Variants in PRDM2 observed in about 807,000 individuals in gnomAD.
The protein encoded by PRDM2 is PR domain zinc finger protein 2.
In PRDM2, 30 loss-of-function variants were observed where a neutral mutation model predicts 130.0. That is an observed-to-expected ratio of 0.23 (90% CI 0.17 to 0.31). The LOEUF is 0.31. Among genes scored for constraint, PRDM2 ranks in the 10% least tolerant of loss-of-function variants. The pLI, the probability that PRDM2 is intolerant of heterozygous loss-of-function variation, is 1.00. For synonymous variants in PRDM2, 871 were observed against 782.4 expected, an observed-to-expected ratio of 1.11 and a Z score of -1.89; for missense variants, 2,011 against 2,108.4, an observed-to-expected ratio of 0.95 and a Z score of 0.90.
At chr1:13,735,207 G>A (rs1283090101) in intron 4 of PRDM2, among the ~76,000 whole-genome samples, 3 of 152,202 alleles carry the variant, frequency 2.0e-5, no homozygotes, top group Non-Finnish European at 4.4e-5. Flanking sequence ...AGTCCTCTAA[G>A]CTTTCACTGA....
intron 8 of PRDM2, among the ~76,000 whole-genome samples, chr1:13,799,570 C>T (rs182400682): frequency 1.3e-5 from 2 of 152,100 alleles, no homozygotes; most frequent in Admixed American, 1.3e-4. Context: ...CAGTTGAAAC[C>T]CAGCTGACTT....
chr1:13,823,244 G>A lies in PRDM2; in HGVS notation c.*109G>A, dbSNP rs772024333. The A allele has an allele frequency of 1.9e-4, 299 of 1,578,292 alleles. No individual in the cohort carries two copies. Among genetic ancestry groups the A allele is most frequent in the Non-Finnish European group, 2.5e-4 (287 of 1,149,396 alleles). The stretch of plus-strand genomic sequence containing the variant: ...TACCGACCTATCCCAGTTGTGTGAG[G>A]CTGCGAGAGAAAGGGAGTGCATGTG... On this transcript the variant is annotated 3_prime_UTR_variant, in exon 10 of 10. Transcript: ENST00000311066.
chr1:13,800,942 A>G (rs1644997623), intron 8 of PRDM2, among the ~76,000 whole-genome samples: 1 of 152,168 alleles, frequency 6.6e-6, no homozygotes, highest in African/African-American at 2.4e-5. Context: ...AGGAAACTGT[A>G]CTGAGGGGGC....
intron 8 of PRDM2, among the ~76,000 whole-genome samples, chr1:13,797,563 C>T (rs1305834521): frequency 2.0e-5 from 3 of 152,140 alleles, no homozygotes; most frequent in Admixed American, 6.5e-5. Context: ...AGTGTTGTTC[C>T]GAGTTGTGTG....
intron 8 of PRDM2, among the ~76,000 whole-genome samples, chr1:13,790,517 T>G (rs1323946428): frequency 6.6e-6 from 1 of 152,140 alleles, no homozygotes; most frequent in Non-Finnish European, 1.5e-5. Context: ...CCAAGCCCCC[T>G]TGGGCCTTGC....
intron 1 of PRDM2, among the ~76,000 whole-genome samples, chr1:13,701,770 A>T (rs942529258): frequency 3.3e-5 from 5 of 152,178 alleles, no homozygotes; most frequent in Non-Finnish European, 7.3e-5. Flanking sequence ...TTTTTACTCA[A>T]CACATCTGTT....
At chr1:13,800,752 G>A (rs909371112) in intron 8 of PRDM2, among the ~76,000 whole-genome samples, 1 of 152,182 alleles carries the variant, frequency 6.6e-6, no homozygotes, top group African/African-American at 2.4e-5. Flanking sequence ...CTGACTCCCT[G>A]CTTTGAGTGA....
At chr1:13,736,020 C>T (rs1466021986) in intron 4 of PRDM2, among the ~76,000 whole-genome samples, 1 of 152,088 alleles carries the variant, frequency 6.6e-6, no homozygotes, top group East Asian at 1.9e-4. Context: ...TGAGATCAAA[C>T]AGCACATGCA....
In PRDM2 at chr1:13,743,269, G is replaced by A. The variant is rs1481997131; in HGVS notation, c.384+1112G>A. 9.2e-5 allele frequency among the ~76,000 whole-genome samples: 14 copies of A among 151,806 alleles called. No homozygotes were observed. In the South Asian group the frequency reaches 1.5e-3, roughly 16 times the overall value. ...CAAAAAATAAGCCAGGCATGGTGGC[G>A]GGCACCTGTAGTCCCAGCTACTCGG... is the stretch of plus-strand genomic sequence containing the variant. On this transcript the variant is annotated intron_variant, in intron 5 of 9. Coordinates refer to ENST00000311066, the MANE Select transcript of PRDM2 (RefSeq NM_001393986.1).
At chr1:13,732,906 G>T in intron 4 of PRDM2, 24 bp downstream of exon 4, 2 of 1,367,410 alleles carry the variant, frequency 1.5e-6, no homozygotes, top group Non-Finnish European at 2.0e-6. Context: ...CTGATTCTTT[G>T]TTTTTCAGAG....
chr1:13,800,800 G>T (rs375281903), intron 8 of PRDM2, among the ~76,000 whole-genome samples: 9 of 152,196 alleles, frequency 5.9e-5, no homozygotes, highest in South Asian at 2.1e-4. Flanking sequence ...GGAGGGTTGG[G>T]GGGGGTCTCC....
intron 8 of PRDM2, 136 bp downstream of exon 8, chr1:13,782,967 G>C: frequency 2.0e-6 from 3 of 1,531,544 alleles, no homozygotes; most frequent in East Asian, 2.3e-5. Flanking sequence ...TAAGTTAAAG[G>C]CATGAAGGGT....
At chr1:13,812,551 C>T (rs1043927162) in intron 8 of PRDM2, among the ~76,000 whole-genome samples, 3 of 152,106 alleles carry the variant, frequency 2.0e-5, no homozygotes, top group African/African-American at 7.2e-5. Context: ...CTGGTAGGGG[C>T]GGGAGCAAGG....
chr1:13,769,020 C>A, intron 6 of PRDM2: 1 of 549,490 alleles, frequency 1.8e-6, no homozygotes, highest in Non-Finnish European at 2.3e-6. Flanking sequence ...GTATTCATTT[C>A]TTTTCCTCAT....
At chr1:13,810,505 T>A (rs1570112950) in intron 8 of PRDM2, among the ~76,000 whole-genome samples, 1 of 151,064 alleles carries the variant, frequency 6.6e-6, no homozygotes, top group East Asian at 2.0e-4. Context: ...TTCTTTTTTT[T>A]TTGTTTTGAG....
rs1046482679 is a variant in PRDM2 at position 13,741,820 on chromosome 1, A to G, written c.232-185A>G. Among the ~76,000 whole-genome samples, 6 of 151,286 alleles carry G rather than the reference A, an allele frequency of 4.0e-5. No homozygotes were observed. In the East Asian group the frequency reaches 1.2e-3, roughly 29 times the overall value. ...TAAATAGAAAAATAATGAGAATTAC[A>G]GTTTCGAATTTCAGTTTTCACCTTG... is the stretch of plus-strand genomic sequence containing the variant. On this transcript the variant is annotated intron_variant, in intron 4 of 9. Transcript: ENST00000311066.
chr1:13,702,621 C>T (rs763189597), intron 1 of PRDM2, among the ~76,000 whole-genome samples: 5 of 152,100 alleles, frequency 3.3e-5, no homozygotes, highest in African/African-American at 9.6e-5. Flanking sequence ...GATTATTTTA[C>T]GTTAGATGTT....
intron 6 of PRDM2, among the ~76,000 whole-genome samples, chr1:13,766,251 T>G (rs771103787): frequency 6.6e-5 from 10 of 152,272 alleles, no homozygotes; most frequent in Non-Finnish European, 1.3e-4. Flanking sequence ...GGTTCCAGTC[T>G]TCAGTTTCCT....
intron 6 of PRDM2, 126 bp from the exon 7 acceptor site, chr1:13,772,952 G>A (rs1202808747): frequency 3.5e-6 from 2 of 577,776 alleles, no homozygotes. Flanking sequence ...AATTGCCCAG[G>A]AATATACAGT....
Sources: allele counts gnomAD v4.1 joint callset (sites outside exome capture counted in the v4.1 genomes callset), GRCh38; gene constraint gnomAD v4.1.1; transcripts MANE v1.5; gene names NCBI Gene and HGNC (gene_info 2026-07-23, HGNC 2026-07-21).